ODAD2: variants seen among roughly 807,000 people sequenced by gnomAD.
The protein encoded by ODAD2 is outer dynein arm-docking complex subunit 2.
In ODAD2, 89 loss-of-function variants were observed where a neutral mutation model predicts 106.8. The ratio of observed to expected loss-of-function variants is 0.83; its 90% CI spans 0.70 to 0.99. ODAD2 has a LOEUF of 0.99. Among genes scored for constraint, ODAD2 ranks in the 50% least tolerant of loss-of-function variants. ODAD2 has a pLI of 0.00. For synonymous variants in ODAD2, 404 were observed against 436.2 expected (o/e 0.93, Z 0.92); for missense variants, 1,168 against 1,238.5 (o/e 0.94, Z 0.85).
intron 17 of ODAD2, among the ~76,000 whole-genome samples, chr10:27,871,614 T>A (rs1840897051): frequency 6.6e-6 from 1 of 152,214 alleles, no homozygotes; most frequent in Non-Finnish European, 1.5e-5. Flanking sequence ...AAATAGGGAA[T>A]CCTTTCCCCA....
intron 1 of ODAD2, among the ~76,000 whole-genome samples, chr10:27,996,526 A>G (rs1850568517): frequency 6.6e-6 from 1 of 152,164 alleles, no homozygotes; most frequent in Non-Finnish European, 1.5e-5. Flanking sequence ...GTACCTCAGA[A>G]GGAAGAATTC....
intron 7 of ODAD2, among the ~76,000 whole-genome samples, chr10:27,974,024 T>C (rs1564566813): frequency 1.3e-5 from 2 of 152,260 alleles, no homozygotes; most frequent in Non-Finnish European, 2.9e-5. Flanking sequence ...TGCATTTCTC[T>C]AATAATCAGT....
At chr10:27,900,912 T>C (rs1296224089) in intron 17 of ODAD2, among the ~76,000 whole-genome samples, 1 of 152,118 alleles carries the variant, frequency 6.6e-6, no homozygotes, top group Non-Finnish European at 1.5e-5. Flanking sequence ...CCAGCAGAAC[T>C]TCCCCAACCT....
At chr10:27,882,106 T>C (rs776534831) in intron 17 of ODAD2, among the ~76,000 whole-genome samples, 6 of 150,120 alleles carry the variant, frequency 4.0e-5, no homozygotes, top group Non-Finnish European at 8.9e-5. Context: ...GAGACAGAGG[T>C]TGCATTGAGC....
At chr10:27,925,612 C>CAGCA (rs1381205871) in intron 16 of ODAD2, among the ~76,000 whole-genome samples, 1 of 152,158 alleles carries the variant, frequency 6.6e-6, no homozygotes, top group Admixed American at 6.5e-5. Context: ...CCTGCCTTGG[C>CAGCA]CTTCCAAAGT....
chr10:27,835,518 C>T (rs568754822), intron 19 of ODAD2, among the ~76,000 whole-genome samples: 121 of 152,234 alleles, frequency 7.9e-4, no homozygotes, highest in African/African-American at 2.7e-3. Flanking sequence ...TAGGGCACCA[C>T]GCCCTCATAC....
At position 27,830,706 on chromosome 10, in the gene ODAD2, T is replaced by G. The variant is rs573371881; in HGVS notation, c.3022-18081A>C. 3.9e-5 allele frequency among the ~76,000 whole-genome samples: 6 copies of G among 152,198 alleles called. No homozygotes were observed. In the East Asian group the frequency reaches 1.2e-3, roughly 29 times the overall value. Reference sequence around the variant, plus strand: ...GAATATTCTCCCTGGAGCACTGGAGTGGATTGTATCTCTAAGCCTTTTCCA... The same window carrying G: ...GAATATTCTCCCTGGAGCACTGGAGGGGATTGTATCTCTAAGCCTTTTCCA... On this transcript the variant is annotated intron_variant, in intron 19 of 19. Transcript: ENST00000305242.
chr10:27,953,424 C>T (rs1287907700), intron 10 of ODAD2, among the ~76,000 whole-genome samples: 1 of 152,156 alleles, frequency 6.6e-6, no homozygotes, highest in Non-Finnish European at 1.5e-5. Context: ...CTCTTTGACT[C>T]AAGCAATTCC....
At chr10:27,903,784 C>G (rs1404785684) in intron 17 of ODAD2, among the ~76,000 whole-genome samples, 6 of 152,040 alleles carry the variant, frequency 3.9e-5, no homozygotes, top group Non-Finnish European at 8.8e-5. Flanking sequence ...AGCTGAGGCC[C>G]CACCAATACA....
Position 27,944,803 on chromosome 10 carries a change from C to G in ODAD2, c.1533+13G>C, listed in dbSNP as rs41283706. The G allele has an allele frequency of 0.073, 117,235 of 1,613,850 alleles. 5,186 individuals are homozygous for G. The highest frequency in any genetic ancestry group is 0.2 in the East Asian group (8,990 of 44,840). The stretch of plus-strand genomic sequence containing the variant: ...GAACAAGACTCCGCATCCAAGGTGA[C>G]AGAGCCACTCACCTTACATTTGACT... On this transcript the variant is annotated intron_variant, in intron 11 of 19. Coordinates refer to ENST00000305242, the MANE Select transcript of ODAD2 (RefSeq NM_018076.5).
intron 17 of ODAD2, among the ~76,000 whole-genome samples, chr10:27,886,875 T>G (rs1025580739): frequency 6.6e-6 from 1 of 151,432 alleles, no homozygotes; most frequent in African/African-American, 2.4e-5. Flanking sequence ...AAAATAACCA[T>G]AAAATATACA....
At chr10:27,849,643 A>G (rs1839092428) in intron 19 of ODAD2, among the ~76,000 whole-genome samples, 1 of 152,174 alleles carries the variant, frequency 6.6e-6, no homozygotes, top group Non-Finnish European at 1.5e-5. Context: ...GAGGGAAAAA[A>G]GTGGCTTTAA....
intron 1 of ODAD2, among the ~76,000 whole-genome samples, chr10:27,998,370 TA>T (rs1850679819): frequency 6.6e-6 from 1 of 151,784 alleles, no homozygotes; most frequent in South Asian, 2.1e-4. Context: ...GCTGAGACCC[TA>T]AGTTTCCAGG....
At chr10:27,915,518 C>G (rs1844298832) in intron 16 of ODAD2, among the ~76,000 whole-genome samples, 1 of 152,066 alleles carries the variant, frequency 6.6e-6, no homozygotes, top group Non-Finnish European at 1.5e-5. Flanking sequence ...AGTCTCAGCT[C>G]TAAATTTTCT....
intron 16 of ODAD2, among the ~76,000 whole-genome samples, chr10:27,920,915 G>A (rs1490689357): frequency 1.3e-5 from 2 of 151,706 alleles, no homozygotes; most frequent in Non-Finnish European, 2.9e-5. Flanking sequence ...ACAGAAGAGA[G>A]GAAATTTAGA....
chr10:27,852,725 C>T (rs10763628), intron 19 of ODAD2, among the ~76,000 whole-genome samples: 85,551 of 151,518 alleles, frequency 0.56, 25,010 homozygotes, highest in Middle Eastern at 0.68. Context: ...CTTTGGGAGG[C>T]GGAGGCGGGT....
chr10:27,965,660 C>T (rs1264639799), intron 9 of ODAD2, among the ~76,000 whole-genome samples: 1 of 152,142 alleles, frequency 6.6e-6, no homozygotes, highest in African/African-American at 2.4e-5. Flanking sequence ...TTAATCTTTA[C>T]AAAATGTATC....
intron 16 of ODAD2, among the ~76,000 whole-genome samples, chr10:27,931,535 T>A (rs1207358718): frequency 6.6e-6 from 1 of 151,880 alleles, no homozygotes; most frequent in East Asian, 1.9e-4. Context: ...TATCAGTGAT[T>A]TTTTTTTCAT....
chr10:27,990,297 G>A (rs1164527062), intron 2 of ODAD2, among the ~76,000 whole-genome samples: 1 of 151,964 alleles, frequency 6.6e-6, no homozygotes, highest in East Asian at 1.9e-4. Context: ...ACAGCCGCAC[G>A]CCACCACACC....
Sources: gnomAD v4.1 joint callset for allele counts (sites outside exome capture counted in the v4.1 genomes callset) on GRCh38, gnomAD v4.1.1 for gene constraint, MANE v1.5 for transcripts, NCBI Gene and HGNC (gene_info 2026-07-23, HGNC 2026-07-21) for gene names.